Variants in PID1 observed in about 807,000 individuals in gnomAD.
The protein encoded by PID1 is PTB-containing, cubilin and LRP1-interacting protein.
PID1 carries 10 observed loss-of-function variants against 19.1 expected under a neutral mutation model. The observed-to-expected ratio is 0.52, with a 90% CI of 0.32 to 0.89. The LOEUF is 0.89. Ranked by LOEUF, PID1 falls within the 40% of genes least tolerant of loss-of-function variation. The probability of loss-of-function intolerance (pLI) is 0.03; values close to 1 mark genes in which losing one functional copy is unlikely to be tolerated. For synonymous variants in PID1, 130 were observed against 116.0 expected, an observed-to-expected ratio of 1.12 and a Z score of -0.78; for missense variants, 248 against 285.3, an observed-to-expected ratio of 0.87 and a Z score of 0.94.
At chr2:229,270,471 A>G (rs1246358887) in intron 1 of PID1, among the ~76,000 whole-genome samples, 1 of 152,142 alleles carries the variant, frequency 6.6e-6, no homozygotes, top group Non-Finnish European at 1.5e-5. Context: ...TTTGATTCTT[A>G]AATATCTGAA....
At chr2:229,184,492 C>T (rs1223877577) in intron 1 of PID1, among the ~76,000 whole-genome samples, 1 of 10,476 alleles carries the variant, frequency 9.5e-5, no homozygotes, top group Admixed American at 1.8e-3. Context: ...TATATATATA[C>T]CGTATATATA....
At chr2:229,216,335 G>A (rs1346414633) in intron 1 of PID1, among the ~76,000 whole-genome samples, 1 of 152,174 alleles carries the variant, frequency 6.6e-6, no homozygotes, top group Non-Finnish European at 1.5e-5. Flanking sequence ...CCGATTCAGA[G>A]CTTGATACTG....
At chr2:229,234,692 A>G (rs185367749) in intron 1 of PID1, among the ~76,000 whole-genome samples, 514 of 152,286 alleles carry the variant, frequency 3.4e-3, no homozygotes, top group African/African-American at 0.012. Flanking sequence ...TATTAGGGTG[A>G]GAATGGGGGG....
At chr2:229,162,874 T>G (rs1202773769) in intron 1 of PID1, among the ~76,000 whole-genome samples, 1 of 152,218 alleles carries the variant, frequency 6.6e-6, no homozygotes, top group Non-Finnish European at 1.5e-5. Flanking sequence ...TCTTGCTTAT[T>G]CTTTTTAATG....
At chr2:229,175,585 G>C (rs977988160) in intron 1 of PID1, among the ~76,000 whole-genome samples, 9 of 152,182 alleles carry the variant, frequency 5.9e-5, no homozygotes, top group East Asian at 1.9e-4. Flanking sequence ...AAATACACAG[G>C]CTGCTCTAAA....
In PID1 at chr2:229,118,778, G is replaced by T. The variant is rs148711813; in HGVS notation, c.177+37040C>A. 5.6e-3 allele frequency among the ~76,000 whole-genome samples: 858 copies of T among 152,186 alleles called. 12 individuals are homozygous for T. The highest frequency in any genetic ancestry group is 0.018 in the African/African-American group (767 of 41,526). On this transcript the variant is annotated intron_variant, in intron 2 of 2. Coordinates refer to ENST00000392055, the MANE Select transcript of PID1 (RefSeq NM_001100818.2). The stretch of plus-strand genomic sequence containing the variant: ...TCAGAGAGCAAAATATATCAATCCT[G>T]CCTAAAAGGGCAGGATCTTTGCCAA...
chr2:229,205,569 C>CAA (rs531137476), intron 1 of PID1, among the ~76,000 whole-genome samples: 6 of 151,972 alleles, frequency 3.9e-5, no homozygotes, highest in Admixed American at 1.3e-4. Flanking sequence ...CACACACACA[C>CAA]AAAACCCAAA....
At chr2:229,113,192 A>G (rs111351249) in intron 2 of PID1, among the ~76,000 whole-genome samples, 142 of 152,142 alleles carry the variant, frequency 9.3e-4, no homozygotes, top group African/African-American at 3.3e-3. Flanking sequence ...TGAATGGAGC[A>G]AGTTACCGCG....
intron 1 of PID1, among the ~76,000 whole-genome samples, chr2:229,261,695 T>C (rs1391379153): frequency 2.0e-5 from 3 of 152,178 alleles, no homozygotes; most frequent in Non-Finnish European, 2.9e-5. Flanking sequence ...ATATTCCTTC[T>C]AGAGAAGAGA....
chr2:229,239,073 G>T (rs758759601), intron 1 of PID1, among the ~76,000 whole-genome samples: 4 of 151,682 alleles, frequency 2.6e-5, no homozygotes, highest in Non-Finnish European at 4.4e-5. Context: ...AAAAGGATGA[G>T]AAAAAAATGA....
intron 2 of PID1, among the ~76,000 whole-genome samples, chr2:229,151,357 C>T (rs1349105800): frequency 1.3e-5 from 2 of 152,088 alleles, no homozygotes; most frequent in Non-Finnish European, 2.9e-5. Flanking sequence ...TAACGAGGGA[C>T]CCTGGGACAG....
rs1574617223 is a variant in PID1 at position 229,086,414 on chromosome 2, G to C, written c.178-60306C>G. Among the ~76,000 whole-genome samples, 3 of 152,068 alleles carry C rather than the reference G, an allele frequency of 2.0e-5. No individual in the cohort carries two copies. The South Asian group carries it at 6.2e-4, about 31-fold the overall frequency. On this transcript the variant is annotated intron_variant, in intron 2 of 2. Transcript: ENST00000392055. ...CATGTAATTTATTGAATACTATACA[G>C]AAAGTGAAAAACAAAATGCTTGTAT... is the stretch of plus-strand genomic sequence containing the variant.
intron 1 of PID1, among the ~76,000 whole-genome samples, chr2:229,195,705 G>A (rs115849719): frequency 0.011 from 1,639 of 152,032 alleles, 35 homozygotes; most frequent in African/African-American, 0.038. Flanking sequence ...CAAGCATACA[G>A]ACAAAAAGTG....
At chr2:229,085,009 C>T (rs184374370) in intron 2 of PID1, among the ~76,000 whole-genome samples, 12 of 152,148 alleles carry the variant, frequency 7.9e-5, no homozygotes, top group Admixed American at 5.9e-4. Flanking sequence ...TTCTCCTTAT[C>T]GTTTCTGGAT....
chr2:229,169,295 A>G (rs373535967), intron 1 of PID1, among the ~76,000 whole-genome samples: 1 of 152,130 alleles, frequency 6.6e-6, no homozygotes, highest in Non-Finnish European at 1.5e-5. Flanking sequence ...TGTTTTCTAT[A>G]TATCAGTCTA....
intron 1 of PID1, among the ~76,000 whole-genome samples, chr2:229,219,574 C>A (rs1416991374): frequency 1.3e-5 from 2 of 152,122 alleles, no homozygotes; most frequent in African/African-American, 4.8e-5. Flanking sequence ...CGCTTTGTTG[C>A]CCAGGCTGGA....
At chr2:229,230,688 G>A (rs1266757104) in intron 1 of PID1, among the ~76,000 whole-genome samples, 1 of 152,094 alleles carries the variant, frequency 6.6e-6, no homozygotes, top group Non-Finnish European at 1.5e-5. Context: ...CTGAGTTACT[G>A]GGAATGAAAA....
chr2:229,205,736 G>A (rs1691596270), intron 1 of PID1, among the ~76,000 whole-genome samples: 1 of 152,092 alleles, frequency 6.6e-6, no homozygotes, highest in Non-Finnish European at 1.5e-5. Context: ...AGATGCAAAA[G>A]GCCTGGCAAG....
intron 2 of PID1, among the ~76,000 whole-genome samples, chr2:229,088,098 G>C (rs952041482): frequency 1.3e-5 from 2 of 152,148 alleles, no homozygotes; most frequent in Non-Finnish European, 2.9e-5. Context: ...AGACAGAACT[G>C]AGCTCCTTTC....
Sources: allele counts gnomAD v4.1 joint callset (sites outside exome capture counted in the v4.1 genomes callset), GRCh38; gene constraint gnomAD v4.1.1; transcripts MANE v1.5; gene names NCBI Gene and HGNC (gene_info 2026-07-23, HGNC 2026-07-21).